TRDN: variants seen among roughly 807,000 people sequenced by gnomAD.
TRDN encodes triadin in skeletal muscle.
TRDN carries 161 observed loss-of-function variants against 149.7 expected under a neutral mutation model. The observed-to-expected ratio is 1.08, with a 90% CI of 0.95 to 1.23. The LOEUF (loss-of-function observed/expected upper bound fraction) is 1.23. TRDN is among the 50% of genes most tolerant of loss of function. TRDN has a pLI of 0.00. For missense variants in TRDN, 896 were observed against 823.5 expected (o/e 1.09, Z -1.08); for synonymous variants, 294 against 250.5 (o/e 1.17, Z -1.64).
intron 2 of TRDN, among the ~76,000 whole-genome samples, chr6:123,561,386 G>T (rs1562390268): frequency 6.6e-6 from 1 of 152,110 alleles, no homozygotes; most frequent in Admixed American, 6.5e-5. Context: ...TTTACCACTT[G>T]CCCTTCTCAG....
Position 123,388,521 on chromosome 6 carries a change from C to A in TRDN, c.1135+1G>T. On this transcript the variant is annotated splice_donor_variant, in intron 14 of 40. Transcript: ENST00000334268. LOFTEE classifies it high-confidence loss of function. The stretch of plus-strand genomic sequence containing the variant: ...TCAGTGGGATTTTGCATAAAACATA[C>A]CTTCCTTCTTTTCATCCTTCTTAGC... 1 of 1,586,812 alleles carries A rather than the reference C, an allele frequency of 6.3e-7. No individual in the cohort carries two copies. Among genetic ancestry groups the A allele is most frequent in the Non-Finnish European group, 8.6e-7 (1 of 1,164,368 alleles).
intron 12 of TRDN, among the ~76,000 whole-genome samples, chr6:123,409,825 CAGA>C (rs1183551349): frequency 6.6e-6 from 1 of 152,066 alleles, no homozygotes; most frequent in Non-Finnish European, 1.5e-5. Flanking sequence ...CCTGTCCATC[CAGA>C]AGACCAGTAA....
Position 123,457,415 on chromosome 6 carries a change from T to A in TRDN, c.931+7491A>T, listed in dbSNP as rs970619803. 8.9e-6 allele frequency: 3 copies of A among 336,360 alleles called. No homozygotes were observed. In the East Asian group the frequency reaches 2.3e-4, roughly 26 times the overall value. The allele number at this position is 336,360 out of a possible 1,614,324, so 20.8% of individuals were successfully genotyped here. A position where few individuals can be genotyped will look rare whatever the true frequency, so the allele number is the denominator to read the frequency against. On this transcript the variant is annotated intron_variant, in intron 10 of 40. Transcript: ENST00000334268. ...AAAAGTTAATTGTTTTCACAAAAGG[T>A]CTTTTTAATAATCAATAACAGGAAA...
chr6:123,483,066 TTTATTATTATTA>T (rs71021451), intron 9 of TRDN, among the ~76,000 whole-genome samples: 3,168 of 133,322 alleles, frequency 0.024, 42 homozygotes, highest in African/African-American at 0.033. Flanking sequence ...TGATTTCTCA[TTTATTATTATTA>T]TTATTATTAT....
intron 13 of TRDN, among the ~76,000 whole-genome samples, chr6:123,390,560 T>C (rs1042499916): frequency 2.0e-5 from 3 of 152,128 alleles, no homozygotes; most frequent in East Asian, 1.9e-4. Flanking sequence ...TGAAGGTGCA[T>C]GGCTTTTATT....
chr6:123,582,924 G>A (rs574989075), intron 1 of TRDN, among the ~76,000 whole-genome samples: 1 of 152,086 alleles, frequency 6.6e-6, no homozygotes, highest in East Asian at 1.9e-4. Flanking sequence ...TGTGGTAAGG[G>A]GTGATATTGT....
intron 1 of TRDN, among the ~76,000 whole-genome samples, chr6:123,595,366 T>A (rs1783983368): frequency 6.6e-6 from 1 of 152,122 alleles, no homozygotes; most frequent in Non-Finnish European, 1.5e-5. Flanking sequence ...GACTGTACGA[T>A]CTAAAGCAAG....
At chr6:123,298,553 A>T (rs1173300840) in intron 24 of TRDN, among the ~76,000 whole-genome samples, 1 of 152,088 alleles carries the variant, frequency 6.6e-6, no homozygotes, top group African/African-American at 2.4e-5. Context: ...CCCCAGATAG[A>T]GTAAGAAATT....
intron 24 of TRDN, among the ~76,000 whole-genome samples, chr6:123,293,619 GA>G (rs983114573): frequency 2.0e-5 from 3 of 152,050 alleles, no homozygotes; most frequent in Admixed American, 6.6e-5. Context: ...TTGGAACAGG[GA>G]AAAAATATCT....
chr6:123,474,936 G>A (rs1319119264), intron 9 of TRDN, among the ~76,000 whole-genome samples: 1 of 151,824 alleles, frequency 6.6e-6, no homozygotes, highest in Non-Finnish European at 1.5e-5. Flanking sequence ...GTGTGTAGAG[G>A]GAAATTTAAG....
intron 23 of TRDN, among the ~76,000 whole-genome samples, chr6:123,320,830 T>A (rs1779215980): frequency 6.6e-6 from 1 of 151,896 alleles, no homozygotes; most frequent in East Asian, 1.9e-4. Context: ...GAGGTTTCTA[T>A]TTTTTTTCAA....
At chr6:123,492,468 C>G in intron 9 of TRDN, among the ~76,000 whole-genome samples, 1 of 152,100 alleles carries the variant, frequency 6.6e-6, no homozygotes, top group East Asian at 1.9e-4. Flanking sequence ...AAATTTGTCT[C>G]TTTAACTTGG....
chr6:123,399,731 A>G (rs1772883312), intron 12 of TRDN, among the ~76,000 whole-genome samples: 1 of 152,220 alleles, frequency 6.6e-6, no homozygotes, highest in Non-Finnish European at 1.5e-5. Flanking sequence ...GAACACAGAT[A>G]AAAGTATTAG....
At chr6:123,553,567 C>T (rs897081598) in intron 2 of TRDN, among the ~76,000 whole-genome samples, 3 of 152,094 alleles carry the variant, frequency 2.0e-5, no homozygotes, top group Non-Finnish European at 4.4e-5. Context: ...CGTTTCCATA[C>T]TGCTGATAAA....
chr6:123,285,684 G>A (rs1278555218), intron 24 of TRDN, among the ~76,000 whole-genome samples: 4 of 151,868 alleles, frequency 2.6e-5, no homozygotes, highest in Non-Finnish European at 4.4e-5. Context: ...ATGATAAATC[G>A]GTGGGACTTA....
intron 2 of TRDN, among the ~76,000 whole-genome samples, chr6:123,548,904 G>C (rs1439025420): frequency 1.3e-5 from 2 of 152,030 alleles, no homozygotes; most frequent in Non-Finnish European, 2.9e-5. Context: ...ATGTTACCCA[G>C]AGTGCAAATA....
Position 123,446,625 on chromosome 6 carries a change from G to A in TRDN, c.932-7622C>T, listed in dbSNP as rs1775391665. Among the ~76,000 whole-genome samples, 3 of 149,592 alleles carry A rather than the reference G, an allele frequency of 2.0e-5. No homozygotes were observed. In the South Asian group the frequency reaches 6.3e-4, roughly 32 times the overall value. ...AAAAAAAAAAGAAGAGCTAGGCCTA[G>A]TGAGGCCAGAGTAGAGGACTCAGGA... On this transcript the variant is annotated intron_variant, in intron 10 of 40. Transcript: ENST00000334268.
chr6:123,441,254 G>C (rs551514788), intron 10 of TRDN: 1 of 151,972 alleles, frequency 6.6e-6, no homozygotes, highest in East Asian at 1.9e-4. Flanking sequence ...AAACTTCCTT[G>C]CCCCTGACTT....
chr6:123,476,374 G>A (rs1777473891), intron 9 of TRDN, among the ~76,000 whole-genome samples: 1 of 94,326 alleles, frequency 1.1e-5, no homozygotes, highest in Non-Finnish European at 2.2e-5. Context: ...ACCTCTTCAA[G>A]GAGAACTACA....
Sources: allele counts gnomAD v4.1 joint callset (sites outside exome capture counted in the v4.1 genomes callset), GRCh38; gene constraint gnomAD v4.1.1; transcripts MANE v1.5; gene names NCBI Gene and HGNC (gene_info 2026-07-23, HGNC 2026-07-21).